Variants in SHANK1 observed in about 807,000 individuals in gnomAD.
The protein encoded by SHANK1 is SH3 and multiple ankyrin repeat domains 1.
In SHANK1, 35 loss-of-function variants were observed where a neutral mutation model predicts 165.6. That is an observed-to-expected ratio of 0.21 (90% CI 0.16 to 0.28). SHANK1 has a LOEUF of 0.28. Ranked by LOEUF, SHANK1 falls within the 10% of genes least tolerant of loss-of-function variation. SHANK1 has a pLI of 1.00. For missense variants in SHANK1, 2,681 were observed against 3,036.4 expected, an observed-to-expected ratio of 0.88 and a Z score of 2.75; for synonymous variants, 1,428 against 1,384.8, an observed-to-expected ratio of 1.03 and a Z score of -0.69.
In SHANK1 at chr19:50,713,981, C is replaced by T. The variant is rs777633849; in HGVS notation, c.641-32G>A. 2.1e-5 allele frequency: 34 copies of T among 1,611,486 alleles called. No individual in the cohort carries two copies. The highest frequency in any genetic ancestry group is 6.7e-5 in the Admixed American group (4 of 59,814). On this transcript the variant is annotated intron_variant, in intron 5 of 23. Coordinates refer to ENST00000293441, the MANE Select transcript of SHANK1 (RefSeq NM_016148.5). The surrounding 1 kb of genome is among the most constrained non-coding windows in gnomAD (Gnocchi z 6.2). ...GGCGGGAAAAGCTGGTCACATGAAGCCCCTTCTCCTCCCCTCCATCCCTTC... is the reference window on the plus strand; with the variant it reads ...GGCGGGAAAAGCTGGTCACATGAAGTCCCTTCTCCTCCCCTCCATCCCTTC...
In SHANK1 at chr19:50,718,499, G is replaced by T. The variant is rs1324328086; in HGVS notation, c.-44+907C>A. Among the ~76,000 whole-genome samples, 1 of 152,028 alleles carries T rather than the reference G, an allele frequency of 6.6e-6. No individual in the cohort carries two copies. Among genetic ancestry groups the T allele is most frequent in the Non-Finnish European group, 1.5e-5 (1 of 67,972 alleles). ...CCCCAGCCCCCCCGGGCCGGCTCCG[G>T]CCCCTCCCCCTCAGGGCTCGCGGGA... On this transcript the variant is annotated intron_variant, in intron 1 of 23. Coordinates refer to ENST00000293441, the MANE Select transcript of SHANK1 (RefSeq NM_016148.5). The surrounding 1 kb of genome is among the most constrained non-coding windows in gnomAD (Gnocchi z 5.1).
rs776215307 is a variant in SHANK1 at position 50,697,796 on chromosome 19, G to A, written c.1861+47C>T. The A allele has an allele frequency of 4.3e-5, 67 of 1,545,062 alleles. No homozygotes were observed. The highest frequency in any genetic ancestry group is 5.0e-5 in the Non-Finnish European group (56 of 1,119,168). On this transcript the variant is annotated intron_variant, in intron 13 of 23. Coordinates refer to ENST00000293441, the MANE Select transcript of SHANK1 (RefSeq NM_016148.5). The surrounding 1 kb of genome is among the most constrained non-coding windows in gnomAD (Gnocchi z 4.7). ...CCATTAGGAAGGGAAAGGAGTGGACGTGGGAATCCTAGGGTCCATTGAACA... is the reference window on the plus strand; with the variant it reads ...CCATTAGGAAGGGAAAGGAGTGGACATGGGAATCCTAGGGTCCATTGAACA...
chr19:50,668,150 G>T lies in SHANK1; in HGVS notation c.3810C>A (p.Gly1270=). 6.9e-7 allele frequency: 1 copy of T among 1,456,628 alleles called. No homozygotes were observed. The highest frequency in any genetic ancestry group is 9.0e-7 in the Non-Finnish European group (1 of 1,112,662). 90.2% of individuals were successfully genotyped at this position (1,456,628 alleles called of 1,614,324 possible). A position where few individuals can be genotyped will look rare whatever the true frequency, so the allele number is the denominator to read the frequency against. The change falls in exon 23 of 24, where the codon GGC becomes GGA. Residue 1270 remains glycine (G), a synonymous_variant. Transcript: ENST00000293441. ...CCGGGGCCGCCCCTGTGCCCAGCCC[G>T]CCGTCCCCGCCGTCCTCGTCCCCCG... ...TDAGDEDGGD[G]GLGTGAAPGP...
At chr19:50,691,205 G>C (rs1288589747) in intron 15 of SHANK1, among the ~76,000 whole-genome samples, 2 of 152,122 alleles carry the variant, frequency 1.3e-5, no homozygotes, top group Non-Finnish European at 2.9e-5. Context: ...GAGGAAAGGG[G>C]CCGAGAAGGC....
rs1436479406 is a variant in SHANK1, at chr19:50,690,228, A to C, written c.1965-949T>G. On this transcript the variant is annotated intron_variant, in intron 15 of 23. Coordinates refer to ENST00000293441, the MANE Select transcript of SHANK1 (RefSeq NM_016148.5). This position sits in a 1 kb window ranked among gnomAD's most constrained non-coding sequence, Gnocchi z 4.9. ...CCCATGAATATGGGTGGTAGTTTCC[A>C]GTAAAGCCATCAAATGCCACCAGCA... 6.6e-6 allele frequency among the ~76,000 whole-genome samples: 1 copy of C among 152,158 alleles called. No homozygotes were observed. Among genetic ancestry groups the C allele is most frequent in the Non-Finnish European group, 1.5e-5 (1 of 68,022 alleles).
intron 18 of SHANK1, 44 bp from the exon 19 acceptor site, chr19:50,687,706 GC>G (rs34540627): frequency 1.4e-6 from 2 of 1,408,260 alleles, no homozygotes; most frequent in Non-Finnish European, 1.9e-6. Flanking sequence ...TGGGGGAGAT[GC>G]CCCCACCACC....
At chr19:50,712,374 T>C (rs10415275) in intron 6 of SHANK1, among the ~76,000 whole-genome samples, 74,573 of 152,056 alleles carry the variant, frequency 0.49, 18,466 homozygotes, top group South Asian at 0.52. Flanking sequence ...CCACCCAGCC[T>C]TCCCCCTGGG....
chr19:50,687,857 C>T, intron 18 of SHANK1, 66 bp downstream of exon 18: 1 of 1,600,840 alleles, frequency 6.2e-7, no homozygotes, highest in South Asian at 1.1e-5. Context: ...AGCAACCAGC[C>T]CTGGGGCTCC....
rs1048242422 is a variant in SHANK1, at chr19:50,702,164, C to G, written c.1747+303G>C. ...AACCATGCAATGGGGCCCATGACCT[C>G]CCTCCCCAGAAAGGGCCATCAGGAG... On this transcript the variant is annotated intron_variant, in intron 12 of 23. Transcript: ENST00000293441. The surrounding 1 kb of genome is among the most constrained non-coding windows in gnomAD (Gnocchi z 5.3). 3.9e-5 allele frequency among the ~76,000 whole-genome samples: 6 copies of G among 152,128 alleles called. No homozygotes were observed. The highest frequency in any genetic ancestry group is 3.9e-4 in the Admixed American group (6 of 15,274).
In SHANK1 at chr19:50,667,890, A is replaced by G. The variant is rs1196927657; in HGVS notation, c.4070T>C (p.Leu1357Pro). 2.3e-6 allele frequency: 3 copies of G among 1,322,306 alleles called. No individual in the cohort carries two copies. Among genetic ancestry groups the G allele is most frequent in the Non-Finnish European group, 1.9e-6 (2 of 1,040,022 alleles). The allele number at this position is 1,322,306 out of a possible 1,614,324, so 81.9% of individuals were successfully genotyped here. Residue 1357 changes from leucine (L) to proline (P), a missense_variant, in exon 23 of 24, where the codon CTG becomes CCG. This residue lies in a region of SHANK1 where 1,713 missense variants were observed against 1,630.2 expected (regional missense o/e 1.05). Transcript: ENST00000293441. This position sits in a 1 kb window ranked among gnomAD's most constrained non-coding sequence, Gnocchi z 5.7. ...CTTCAGCGCTCGCTCGCGGGCGGCC[A>G]GGGCCAGCCCCAGCGGGGAGGCGGG... ...LDPASPLGLA[L>P]AARERALKES... is the part of the protein sequence containing the mutation.
Position 50,690,068 on chromosome 19 carries a change from G to A in SHANK1, c.1965-789C>T, listed in dbSNP as rs887261697. Among the ~76,000 whole-genome samples the A allele has an allele frequency of 1.3e-5, 2 of 152,252 alleles. No individual in the cohort carries two copies. The highest frequency in any genetic ancestry group is 4.8e-5 in the African/African-American group (2 of 41,536). Reference sequence around the variant, plus strand: ...CACATGGCTGGTGGCCACCACATTGGACAGTACAGATATAGAACATTTCCA... The same window carrying A: ...CACATGGCTGGTGGCCACCACATTGAACAGTACAGATATAGAACATTTCCA... On this transcript the variant is annotated intron_variant, in intron 15 of 23. Coordinates refer to ENST00000293441, the MANE Select transcript of SHANK1 (RefSeq NM_016148.5). This position sits in a 1 kb window ranked among gnomAD's most constrained non-coding sequence, Gnocchi z 4.9.
chr19:50,666,386 A>C lies in SHANK1; in HGVS notation c.5574T>G (p.Pro1858=), dbSNP rs200860422. ...TTACTGTGGCCAAGGCTGAGGCCTG[A>C]GGCTGGGCCAAGGGCCCGGGCAGAG... ...PPPLPGPLAQ[P]QASALATVKA... is the part of the protein sequence containing the mutation. Residue 1858 remains proline, a synonymous_variant, in exon 23 of 24, where the codon CCT becomes CCG. Coordinates refer to ENST00000293441, the MANE Select transcript of SHANK1 (RefSeq NM_016148.5). 47 of 1,613,460 alleles carry C rather than the reference A, an allele frequency of 2.9e-5. No individual in the cohort carries two copies. In the East Asian group the frequency reaches 1.0e-3, roughly 34 times the overall value.
intron 21 of SHANK1, among the ~76,000 whole-genome samples, chr19:50,681,521 T>G (rs1986179327): frequency 6.6e-6 from 1 of 152,114 alleles, no homozygotes; most frequent in Non-Finnish European, 1.5e-5. Flanking sequence ...CCCTGAGGGT[T>G]AGGCTCTTGA....
Position 50,675,691 on chromosome 19 carries a change from G to A in SHANK1, c.2578-3577C>T, listed in dbSNP as rs200919475. Among the ~76,000 whole-genome samples the A allele has an allele frequency of 2.0e-5, 3 of 152,100 alleles. No homozygotes were observed. The East Asian group carries it at 5.8e-4, about 29-fold the overall frequency. Reference sequence around the variant, plus strand: ...AGATGGAGGTAAGAGGGAGGAGAGAGGGAGAATGTAATTTAAAATATGGGC... The same window carrying A: ...AGATGGAGGTAAGAGGGAGGAGAGAAGGAGAATGTAATTTAAAATATGGGC... On this transcript the variant is annotated intron_variant, in intron 21 of 23. Coordinates refer to ENST00000293441, the MANE Select transcript of SHANK1 (RefSeq NM_016148.5).
chr19:50,706,847 G>A (rs540210709), intron 8 of SHANK1, among the ~76,000 whole-genome samples: 7 of 151,710 alleles, frequency 4.6e-5, no homozygotes, highest in South Asian at 2.1e-4. Flanking sequence ...ACACGATCTC[G>A]GCTCACTGCA....
At position 50,661,846 on chromosome 19, in the gene SHANK1, A is replaced by G; in HGVS notation, c.*119T>C. ...ACCTCTGGCCTTGGGAGATGAGGGCAGGGCGCAGTTTGAACAGAGTCCCTG... is the reference window on the plus strand; with the variant it reads ...ACCTCTGGCCTTGGGAGATGAGGGCGGGGCGCAGTTTGAACAGAGTCCCTG... On this transcript the variant is annotated 3_prime_UTR_variant, in exon 24 of 24. Transcript: ENST00000293441. 2 of 1,156,524 alleles carry G rather than the reference A, an allele frequency of 1.7e-6. No homozygotes were observed. Among genetic ancestry groups the G allele is most frequent in the Non-Finnish European group, 1.3e-6 (1 of 798,832 alleles). 71.6% of individuals were successfully genotyped at this position (1,156,524 alleles called of 1,614,324 possible).
chr19:50,703,668 G>A lies in SHANK1; in HGVS notation c.1385C>T (p.Pro462Leu). 1 of 1,494,164 alleles carries A rather than the reference G, an allele frequency of 6.7e-7. No individual in the cohort carries two copies. The highest frequency in any genetic ancestry group is 8.9e-7 in the Non-Finnish European group (1 of 1,122,950). 92.6% of individuals were successfully genotyped at this position (1,494,164 alleles called of 1,614,324 possible). A position where few individuals can be genotyped will look rare whatever the true frequency, so the allele number is the denominator to read the frequency against. ...GCCCTGGGACCCTGAGGTAGGGCCA[G>A]GGGCCCCAGAGGACGCGGCCCCCGG... ...SAPGAASSGAPGPTSGSQGQS... is the reference protein window; with the variant it reads ...SAPGAASSGALGPTSGSQGQS... Residue 462 changes from proline to leucine, a missense_variant, in exon 11 of 24, where the codon CCT becomes CTT. Coordinates refer to ENST00000293441, the MANE Select transcript of SHANK1 (RefSeq NM_016148.5).
Position 50,702,603 on chromosome 19 carries a change from G to A in SHANK1, c.1611C>T (p.Pro537=), listed in dbSNP as rs201800169. 5.9e-4 allele frequency: 947 copies of A among 1,596,978 alleles called. 1 individual carries two copies. Among genetic ancestry groups the A allele is most frequent in the Non-Finnish European group, 7.6e-4 (889 of 1,172,096 alleles). Reference sequence around the variant, plus strand: ...TCCCGCGGCTGCCCAGGGAGCCCCCGGGGCCCCCTGAGCCCCCCGTGCCCC... The same window carrying A: ...TCCCGCGGCTGCCCAGGGAGCCCCCAGGGCCCCCTGAGCCCCCCGTGCCCC... ...PAGGTGGSGG[P]GGSLGSRGRR... The change falls in exon 12 of 24, where the codon CCC becomes CCT. Residue 537 remains proline, a synonymous_variant. Transcript: ENST00000293441. This position sits in a 1 kb window ranked among gnomAD's most constrained non-coding sequence, Gnocchi z 5.3.
In SHANK1 at chr19:50,703,687, C is replaced by A; in HGVS notation, c.1366G>T (p.Ala456Ser). ...GGGCCAGGGGCCCCAGAGGACGCGGCCCCCGGGGCGGAGAACACCATCCAG... is the reference window on the plus strand; with the variant it reads ...GGGCCAGGGGCCCCAGAGGACGCGGACCCCGGGGCGGAGAACACCATCCAG... ...PDWMVFSAPGAASSGAPGPTS... is the reference protein window; with the variant it reads ...PDWMVFSAPGSASSGAPGPTS... The change falls in exon 11 of 24, where the codon GCC becomes TCC. Residue 456 changes from alanine to serine, a missense_variant. By Grantham distance (99) the Ala-to-Ser change is moderately conservative. This residue lies in a region of SHANK1 where 195 missense variants were observed against 186.2 expected (regional missense o/e 1.05). Coordinates refer to ENST00000293441, the MANE Select transcript of SHANK1 (RefSeq NM_016148.5). 1 of 1,466,418 alleles carries A rather than the reference C, an allele frequency of 6.8e-7. No individual in the cohort carries two copies. The highest frequency in any genetic ancestry group is 9.0e-7 in the Non-Finnish European group (1 of 1,111,222). 90.8% of individuals were successfully genotyped at this position (1,466,418 alleles called of 1,614,324 possible).
Sources: gnomAD v4.1 joint callset for allele counts (sites outside exome capture counted in the v4.1 genomes callset) on GRCh38, gnomAD v4.1.1 for gene constraint, gnomAD v4.1.1 regional missense constraint, Gnocchi (gnomAD v3.1) non-coding constraint, MANE v1.5 for transcripts, NCBI Gene and HGNC (gene_info 2026-07-23, HGNC 2026-07-21) for gene names.